Variants in XIRP2 observed in about 807,000 individuals in gnomAD.
The protein encoded by XIRP2 is xin actin binding repeat containing 2, also known as xin actin-binding repeat-containing protein 2.
In XIRP2, 236 loss-of-function variants were observed where a neutral mutation model predicts 277.0. The ratio of observed to expected loss-of-function variants is 0.85; its 90% CI spans 0.77 to 0.95. The LOEUF (loss-of-function observed/expected upper bound fraction) is 0.95. Among genes scored for constraint, XIRP2 ranks in the 40% least tolerant of loss-of-function variants. The pLI is 0.00. For missense variants in XIRP2, 4,640 were observed against 4,157.5 expected (o/e 1.12, Z -3.19); for synonymous variants, 1,490 against 1,416.5 (o/e 1.05, Z -1.17).
intron 4 of XIRP2, among the ~76,000 whole-genome samples, chr2:167,214,144 G>GC (rs1573964021): frequency 1.6e-5 from 1 of 61,822 alleles, no homozygotes; most frequent in African/African-American, 8.4e-5. Context: ...GAAGCAAAGA[G>GC]AAAGAGAAAG....
At chr2:166,902,133 TC>T (rs1408523762) in intron 1 of XIRP2, among the ~76,000 whole-genome samples, 1 of 152,106 alleles carries the variant, frequency 6.6e-6, no homozygotes, top group Non-Finnish European at 1.5e-5. Flanking sequence ...GGACTGAACT[TC>T]TGCTGTAAGT....
intron 3 of XIRP2, among the ~76,000 whole-genome samples, chr2:167,174,774 G>A (rs1311224384): frequency 1.3e-5 from 2 of 152,094 alleles, no homozygotes; most frequent in African/African-American, 4.8e-5. Context: ...AGAGATTCTG[G>A]TATATTGAGT....
intron 2 of XIRP2, among the ~76,000 whole-genome samples, chr2:166,958,367 T>C (rs1686221023): frequency 6.6e-6 from 1 of 151,842 alleles, no homozygotes; most frequent in Non-Finnish European, 1.5e-5. Flanking sequence ...TATTTTTCTT[T>C]GCTTATAGAC....
At chr2:167,119,484 A>T (rs966642605) in intron 2 of XIRP2, among the ~76,000 whole-genome samples, 4 of 152,196 alleles carry the variant, frequency 2.6e-5, no homozygotes, top group African/African-American at 9.6e-5. Context: ...TCAACACTTA[A>T]ATACAATCTC....
intron 3 of XIRP2, among the ~76,000 whole-genome samples, chr2:167,155,696 A>T (rs1022432879): frequency 1.3e-5 from 2 of 151,886 alleles, no homozygotes; most frequent in African/African-American, 4.8e-5. Flanking sequence ...CAAGACAGGG[A>T]TGCCCTCTCT....
intron 2 of XIRP2, among the ~76,000 whole-genome samples, chr2:167,134,232 T>C (rs1417358220): frequency 6.6e-6 from 1 of 151,126 alleles, no homozygotes; most frequent in Non-Finnish European, 1.5e-5. Flanking sequence ...TGTGTATATG[T>C]ATATTATATA....
Position 167,243,416 on chromosome 2 carries a change from A to T in XIRP2, c.2024A>T (p.Glu675Val). The change falls in exon 9 of 11, where the codon GAA becomes GTA. Residue 675 changes from glutamate to valine, a missense_variant. Glu to Val is a moderately radical substitution (Grantham distance 121). Coordinates refer to ENST00000409195, the MANE Select transcript of XIRP2 (RefSeq NM_152381.6). The stretch of plus-strand genomic sequence containing the variant: ...AATAAAATGCATCAAAGTCAAGAAG[A>T]ATCAGCGGTAACTATCAGTAAGGAC... The part of the protein sequence containing the change: ...SMNKMHQSQE[E>V]SAVTISKDIT... 1 of 1,614,042 alleles carries T rather than the reference A, an allele frequency of 6.2e-7. No homozygotes were observed. The highest frequency in any genetic ancestry group is 8.5e-7 in the Non-Finnish European group (1 of 1,179,982).
chr2:167,220,758 A>T (rs1694400831), intron 5 of XIRP2, among the ~76,000 whole-genome samples: 2 of 152,222 alleles, frequency 1.3e-5, no homozygotes, highest in Admixed American at 1.3e-4. Context: ...AGACCTCTGT[A>T]CCTTGTTTCC....
intron 2 of XIRP2, among the ~76,000 whole-genome samples, chr2:167,132,907 T>C (rs1000565623): frequency 4.6e-5 from 7 of 152,312 alleles, no homozygotes; most frequent in African/African-American, 1.7e-4. Flanking sequence ...TGGGCTTCGT[T>C]ACTATTTGCC....
chr2:167,012,536 A>T (rs540754039), intron 2 of XIRP2, among the ~76,000 whole-genome samples: 1 of 151,826 alleles, frequency 6.6e-6, no homozygotes, highest in South Asian at 2.1e-4. Context: ...TGTGGTACAC[A>T]TAATCATCTA....
At chr2:166,975,700 C>G (rs917719249) in intron 2 of XIRP2, among the ~76,000 whole-genome samples, 1 of 151,964 alleles carries the variant, frequency 6.6e-6, no homozygotes, top group Non-Finnish European at 1.5e-5. Context: ...CCAAGGCGGG[C>G]AGATCACGAG....
chr2:167,016,621 C>CCTCTGGGAAGCAG (rs1687833291), intron 2 of XIRP2, among the ~76,000 whole-genome samples: 1 of 151,860 alleles, frequency 6.6e-6, no homozygotes. Context: ...TAGTTTAGGT[C>CCTCTGGGAAGCAG]CTCTGGGAAG....
At chr2:167,003,215 A>T (rs1687417209) in intron 2 of XIRP2, among the ~76,000 whole-genome samples, 1 of 144,278 alleles carries the variant, frequency 6.9e-6, no homozygotes, top group South Asian at 2.3e-4. Flanking sequence ...CTTGTGTAGG[A>T]CTGGCATAGG....
chr2:167,233,671 A>C (rs763257867), intron 5 of XIRP2, among the ~76,000 whole-genome samples: 1 of 151,666 alleles, frequency 6.6e-6, no homozygotes, highest in Non-Finnish European at 1.5e-5. Flanking sequence ...AGCATAGGAC[A>C]CATGTTACCT....
intron 2 of XIRP2, among the ~76,000 whole-genome samples, chr2:166,985,710 T>C (rs533764072): frequency 1.3e-5 from 2 of 152,252 alleles, no homozygotes; most frequent in East Asian, 3.9e-4. Context: ...ATTACAGGCA[T>C]GAGCCACCGC....
rs776215454 is a variant in XIRP2, at chr2:167,243,628, G to C, written c.2236G>C (p.Asp746His). The stretch of plus-strand genomic sequence containing the variant: ...AACTCAACCATTATATGTTATTAGA[G>C]ATGGTTCGGGCCAAATGCTGGAAAT... ...FETQPLYVIRDGSGQMLEIKT... is the reference protein window; with the variant it reads ...FETQPLYVIRHGSGQMLEIKT... The change falls in exon 9 of 11, where the codon GAT becomes CAT. Residue 746 changes from aspartate (D) to histidine (H), a missense_variant. Physicochemically the swap from Asp to His is moderately conservative, Grantham distance 81. Transcript: ENST00000409195. 11 of 1,613,916 alleles carry C rather than the reference G, an allele frequency of 6.8e-6. No homozygotes were observed. Among genetic ancestry groups the C allele is most frequent in the African/African-American group, 5.3e-5 (4 of 74,916 alleles).
intron 3 of XIRP2, among the ~76,000 whole-genome samples, chr2:167,197,494 C>T (rs887715819): frequency 1.3e-5 from 2 of 151,650 alleles, no homozygotes; most frequent in African/African-American, 2.4e-5. Context: ...GTTTACTTCT[C>T]GGTGATCTAG....
chr2:167,008,702 A>C (rs1458815145), intron 2 of XIRP2, among the ~76,000 whole-genome samples: 4 of 151,726 alleles, frequency 2.6e-5, no homozygotes, highest in African/African-American at 9.7e-5. Flanking sequence ...TGCTTTAAAA[A>C]ATAATCACAA....
Position 167,194,098 on chromosome 2 carries a change from T to A in XIRP2, c.563-16637T>A, listed in dbSNP as rs182071992. ...CTTTTCTTTTCTTTTTTCTTTTTTT[T>A]TGAGATGGAGCCTCACTCTGTTGCC... On this transcript the variant is annotated intron_variant, in intron 3 of 10. Transcript: ENST00000409195. 3.8e-3 allele frequency among the ~76,000 whole-genome samples: 574 copies of A among 152,052 alleles called. 2 individuals carry two copies. The highest frequency in any genetic ancestry group is 0.013 in the African/African-American group (541 of 41,462).
Sources: gnomAD v4.1 joint callset for allele counts (sites outside exome capture counted in the v4.1 genomes callset) on GRCh38, gnomAD v4.1.1 for gene constraint, MANE v1.5 for transcripts, NCBI Gene and HGNC (gene_info 2026-07-23, HGNC 2026-07-21) for gene names.